Variants in ZNF160 observed in about 807,000 individuals in gnomAD.
ZNF160 encodes zinc finger protein 160.
A neutral mutation model predicts 13.1 loss-of-function variants in ZNF160; 9 were observed. The observed-to-expected ratio is 0.69, with a 90% CI of 0.41 to 1.20. ZNF160 has a LOEUF of 1.20. ZNF160 is among the 50% of genes most tolerant of loss of function. The pLI, the probability that ZNF160 is intolerant of heterozygous loss-of-function variation, is 0.01. For synonymous variants in ZNF160, 293 were observed against 333.2 expected (o/e 0.88, Z 1.31); for missense variants, 838 against 988.0 (o/e 0.85, Z 2.04).
intron 3 of ZNF160, among the ~76,000 whole-genome samples, chr19:53,076,635 T>A (rs1420950518): frequency 6.6e-6 from 1 of 152,054 alleles, no homozygotes; most frequent in East Asian, 1.9e-4. Context: ...TGAGACTCCA[T>A]CTCAAAAAAA....
chr19:53,098,595 G>A (rs2085323532), intron 1 of ZNF160, among the ~76,000 whole-genome samples: 1 of 151,816 alleles, frequency 6.6e-6, no homozygotes, highest in African/African-American at 2.4e-5. Context: ...GAGGGAGGCT[G>A]CCATTGTCCC....
At chr19:53,083,377 A>C (rs329699) in intron 3 of ZNF160, among the ~76,000 whole-genome samples, 132,260 of 152,096 alleles carry the variant, frequency 0.87, 57,619 homozygotes, top group Middle Eastern at 0.93. Flanking sequence ...GACAACACTT[A>C]GGAAACTCTA....
At chr19:53,074,091 C>A in intron 5 of ZNF160, 49 bp downstream of exon 5, 1 of 1,586,656 alleles carries the variant, frequency 6.3e-7, no homozygotes, top group Admixed American at 1.7e-5. Context: ...TGCCCCCTCC[C>A]ACACTCTAGT....
At chr19:53,075,555 A>C in intron 3 of ZNF160, 1 of 350,214 alleles carries the variant, frequency 2.9e-6, no homozygotes, top group Non-Finnish European at 5.6e-6. Context: ...ATGAAAGTTC[A>C]GTTGATCACC....
chr19:53,099,184 G>A (rs552299108), intron 1 of ZNF160, among the ~76,000 whole-genome samples: 1 of 152,320 alleles, frequency 6.6e-6, no homozygotes, highest in South Asian at 2.1e-4. Context: ...TAACGTGGTA[G>A]AGACTGACAG....
chr19:53,084,387 T>G lies in ZNF160; in HGVS notation c.15+1875A>C, dbSNP rs189477357. On this transcript the variant is annotated intron_variant, in intron 3 of 5. Coordinates refer to ENST00000683776, the MANE Select transcript of ZNF160 (RefSeq NM_001322131.2). ...TGTACTTCTTCCCCTAAGCTAGCTT[T>G]GGAATAAAAAGTCACTGTCTTTCTA... is the stretch of plus-strand genomic sequence containing the variant. Among the ~76,000 whole-genome samples the G allele has an allele frequency of 1.4e-3, 210 of 152,264 alleles. 1 individual carries two copies. The highest frequency in any genetic ancestry group is 4.9e-3 in the African/African-American group (205 of 41,542).
rs771016509 is a variant in ZNF160 at position 53,075,715 on chromosome 19, C to T, written c.16-532G>A. The T allele has an allele frequency of 1.9e-4, 98 of 518,582 alleles. 3 individuals are homozygous for T. The highest frequency in any genetic ancestry group is 1.3e-3 in the South Asian group (95 of 71,538). 32.1% of individuals were successfully genotyped at this position (518,582 alleles called of 1,614,324 possible). A position where few individuals can be genotyped will look rare whatever the true frequency, so the allele number is the denominator to read the frequency against. On this transcript the variant is annotated intron_variant, in intron 3 of 5. Transcript: ENST00000683776. ...TTCCATCTAGATGTTCATCTGTGTGCTTTGTAGCATCTTCTATAATAAATG... is the reference window on the plus strand; with the variant it reads ...TTCCATCTAGATGTTCATCTGTGTGTTTTGTAGCATCTTCTATAATAAATG...
chr19:53,075,307 T>C lies in ZNF160; in HGVS notation c.16-124A>G, dbSNP rs1302290547. 7.8e-6 allele frequency: 10 copies of C among 1,285,282 alleles called. No homozygotes were observed. The South Asian group carries it at 8.4e-5, about 11-fold the overall frequency. The allele number at this position is 1,285,282 out of a possible 1,614,324, so 79.6% of individuals were successfully genotyped here. On this transcript the variant is annotated intron_variant, in intron 3 of 5. Coordinates refer to ENST00000683776, the MANE Select transcript of ZNF160 (RefSeq NM_001322131.2). The stretch of plus-strand genomic sequence containing the variant: ...AAGTGGGTGAGCTGACAGATCCAGA[T>C]TGTGACAATGTGACATACAGATTTG...
chr19:53,098,553 T>C (rs960930590), intron 1 of ZNF160, among the ~76,000 whole-genome samples: 5 of 151,512 alleles, frequency 3.3e-5, no homozygotes, highest in African/African-American at 1.2e-4. Context: ...TGGCGGAGGA[T>C]GTCCAAGAAA....
rs189158389 is a variant in ZNF160 at position 53,102,781 on chromosome 19, G to A, written c.-354+484C>T. Among the ~76,000 whole-genome samples the A allele has an allele frequency of 4.1e-3, 625 of 152,312 alleles. 4 individuals carry two copies. Among genetic ancestry groups the A allele is most frequent in the African/African-American group, 0.014 (592 of 41,574 alleles). On this transcript the variant is annotated intron_variant, in intron 1 of 5. Coordinates refer to ENST00000683776, the MANE Select transcript of ZNF160 (RefSeq NM_001322131.2). ...ATGTTGGAGGAGTACATTTTCCAGGGGGTGGAGCTGGGCAGGCAAAAACAC... is the reference window on the plus strand; with the variant it reads ...ATGTTGGAGGAGTACATTTTCCAGGAGGTGGAGCTGGGCAGGCAAAAACAC...
chr19:53,073,635 GGA>G, intron 5 of ZNF160: 1 of 1,281,566 alleles, frequency 7.8e-7, no homozygotes, highest in Non-Finnish European at 1.0e-6. Context: ...AAATACAGAG[GGA>G]GAGACCAAGA....
chr19:53,095,551 T>G (rs527870325), intron 1 of ZNF160: 51 of 152,240 alleles, frequency 3.3e-4, no homozygotes, highest in African/African-American at 1.1e-3. Flanking sequence ...TCCCCTTGAT[T>G]TGGAGACTGG....
Position 53,067,442 on chromosome 19 carries a change from C to G in ZNF160, c.*635G>C, listed in dbSNP as rs1003521780. 3 of 152,198 alleles carry G rather than the reference C, an allele frequency of 2.0e-5. No homozygotes were observed. The highest frequency in any genetic ancestry group is 7.2e-5 in the African/African-American group (3 of 41,450). The allele number at this position is 152,198 out of a possible 1,614,324, so 9.4% of individuals were successfully genotyped here. On this transcript the variant is annotated 3_prime_UTR_variant, in exon 6 of 6. Coordinates refer to ENST00000683776, the MANE Select transcript of ZNF160 (RefSeq NM_001322131.2). ...TAATTTTAAAAGCAAAGTCCTCCTTCTTCACAAATTGGATAGAAATAATCC... is the reference window on the plus strand; with the variant it reads ...TAATTTTAAAAGCAAAGTCCTCCTTGTTCACAAATTGGATAGAAATAATCC...
At chr19:53,087,547 A>C in intron 2 of ZNF160, among the ~76,000 whole-genome samples, 1 of 151,898 alleles carries the variant, frequency 6.6e-6, no homozygotes, top group South Asian at 2.1e-4. Context: ...ACTTTTATTT[A>C]AATAATTAAT....
intron 3 of ZNF160, among the ~76,000 whole-genome samples, chr19:53,084,654 GC>G (rs2145785861): frequency 6.6e-6 from 1 of 152,258 alleles, no homozygotes; most frequent in South Asian, 2.1e-4. Context: ...ACAAAGTAAT[GC>G]AACCCACTCA....
Position 53,068,040 on chromosome 19 carries a change from T to C in ZNF160, c.*37A>G. 1.3e-6 allele frequency: 2 copies of C among 1,545,416 alleles called. No homozygotes were observed. Among genetic ancestry groups the C allele is most frequent in the Non-Finnish European group, 1.7e-6 (2 of 1,146,328 alleles). Reference sequence around the variant, plus strand: ...CTGTCAAGAATGAAATTAACTGATGTGAAAGGAGTGAATTGTACCTAATGA... The same window carrying C: ...CTGTCAAGAATGAAATTAACTGATGCGAAAGGAGTGAATTGTACCTAATGA... On this transcript the variant is annotated 3_prime_UTR_variant, in exon 6 of 6. Coordinates refer to ENST00000683776, the MANE Select transcript of ZNF160 (RefSeq NM_001322131.2).
chr19:53,068,089 T>C lies in ZNF160; in HGVS notation c.2445A>G (p.Lys815=). 1 of 1,604,384 alleles carries C rather than the reference T, an allele frequency of 6.2e-7. No individual in the cohort carries two copies. Among genetic ancestry groups the C allele is most frequent in the Non-Finnish European group, 8.5e-7 (1 of 1,174,666 alleles). ...GACCTCACCACACTCATTTGTAAGG[T>C]TTCTCTCCGGTATGCATTCTGTGAT... ...ASHHRMHTGE[K]PYK is the part of the protein sequence containing the mutation. The change falls in exon 6 of 6, where the codon AAA becomes AAG. Residue 815 remains lysine (K), a synonymous_variant. Coordinates refer to ENST00000683776, the MANE Select transcript of ZNF160 (RefSeq NM_001322131.2).
chr19:53,087,682 C>G lies in ZNF160; in HGVS notation c.-45-1361G>C, dbSNP rs187825969. On this transcript the variant is annotated intron_variant, in intron 2 of 5. Coordinates refer to ENST00000683776, the MANE Select transcript of ZNF160 (RefSeq NM_001322131.2). ...TCTCCTGCCTCAGCCTCCTGAGTAG[C>G]TGGGATTACAGGCGCCCGCCACCAC... 4.2e-3 allele frequency among the ~76,000 whole-genome samples: 638 copies of G among 152,272 alleles called. 6 individuals are homozygous for G. The highest frequency in any genetic ancestry group is 0.015 in the African/African-American group (608 of 41,566).
intron 3 of ZNF160, chr19:53,075,732 T>C (rs767527942): frequency 5.8e-6 from 3 of 518,850 alleles, no homozygotes; most frequent in Admixed American, 1.9e-5. Flanking sequence ...GCATCTTCTA[T>C]AATAAATGGG....
Sources: allele counts gnomAD v4.1 joint callset (sites outside exome capture counted in the v4.1 genomes callset), GRCh38; gene constraint gnomAD v4.1.1; transcripts MANE v1.5; gene names NCBI Gene and HGNC (gene_info 2026-07-23, HGNC 2026-07-21).